Variants in CXCL12 observed in about 807,000 individuals in gnomAD.
The protein encoded by CXCL12 is stromal cell-derived factor 1.
CXCL12 carries 4 observed loss-of-function variants against 10.7 expected under a neutral mutation model. The observed-to-expected ratio is 0.37, with a 90% CI of 0.18 to 0.86. The LOEUF (loss-of-function observed/expected upper bound fraction) is 0.86. Ranked by LOEUF, CXCL12 falls within the 40% of genes least tolerant of loss-of-function variation. CXCL12 has a pLI of 0.43. For missense variants in CXCL12, 122 were observed against 110.4 expected, an observed-to-expected ratio of 1.10 and a Z score of -0.47; for synonymous variants, 54 against 45.4, an observed-to-expected ratio of 1.19 and a Z score of -0.77.
chr10:44,380,831 G>A lies in CXCL12; in HGVS notation c.111C>T (p.Ser37=), dbSNP rs41307557. 5.0e-6 allele frequency: 8 copies of A among 1,614,232 alleles called. No individual in the cohort carries two copies. The highest frequency in any genetic ancestry group is 6.8e-6 in the Non-Finnish European group (8 of 1,180,042). ...GCTTGACGTTGGCTCTGGCAACATGGCTTTCGAAGAATCGGCATGGGCATC... is the reference window on the plus strand; with the variant it reads ...GCTTGACGTTGGCTCTGGCAACATGACTTTCGAAGAATCGGCATGGGCATC... The part of the protein sequence containing the change: ...SYRCPCRFFE[S]HVARANVKHL... Residue 37 remains serine (S), a synonymous_variant, in exon 2 of 3, where the codon AGC becomes AGT. Transcript: ENST00000343575.
chr10:44,375,848 C>T, downstream of CXCL12: 1 of 1,578,666 alleles, frequency 6.3e-7, no homozygotes, highest in Non-Finnish European at 8.6e-7. Flanking sequence ...CCTGCCCAGT[C>T]TGCATGGGGG....
At chr10:44,372,975 C>A, downstream of CXCL12, 1 of 1,536,038 alleles carries the variant, frequency 6.5e-7, no homozygotes, top group Non-Finnish European at 8.7e-7. Context: ...TGGGGCCAGG[C>A]TCCCTCAGCC....
Position 44,377,649 on chromosome 10 carries a change from G to A in CXCL12, c.*984C>T. 1.9e-6 allele frequency: 3 copies of A among 1,551,554 alleles called. No homozygotes were observed. Among genetic ancestry groups the A allele is most frequent in the Non-Finnish European group, 2.6e-6 (3 of 1,156,252 alleles). On this transcript the variant is annotated 3_prime_UTR_variant, in exon 3 of 3. Transcript: ENST00000343575. ...GCCTCCATGGCATACATAGGCTTCA[G>A]AGGCAATCACAAAACCCAGTCACTC...
chr10:44,384,915 C>G, intron 1 of CXCL12, 30 bp downstream of exon 1: 4 of 1,534,018 alleles, frequency 2.6e-6, no homozygotes, highest in Non-Finnish European at 3.5e-6. Context: ...CCCAGAGCCT[C>G]GCCAGGGCCT....
At chr10:44,375,967 C>A (rs781652375), downstream of CXCL12, 1 of 1,613,424 alleles carries the variant, frequency 6.2e-7, no homozygotes. Flanking sequence ...GGCAGCCTTT[C>A]TCTTCTTCTG....
In CXCL12 at chr10:44,378,129, C is replaced by T. The variant is rs545173315; in HGVS notation, c.*504G>A. ...ACAGAGGCCTTCCTCTTGGGAGGGG[C>T]GCTGCTGCGGGAGCCTCAGTGTCTG... On this transcript the variant is annotated 3_prime_UTR_variant, in exon 3 of 3. Coordinates refer to ENST00000343575, the MANE Select transcript of CXCL12 (RefSeq NM_199168.4). 1,310 of 1,439,322 alleles carry T rather than the reference C, an allele frequency of 9.1e-4. 1 individual carries two copies. Among genetic ancestry groups the T allele is most frequent in the Non-Finnish European group, 1.1e-3 (1,226 of 1,101,420 alleles). 89.2% of individuals were successfully genotyped at this position (1,439,322 alleles called of 1,614,324 possible). A position where few individuals can be genotyped will look rare whatever the true frequency, so the allele number is the denominator to read the frequency against.
chr10:44,376,057 T>C, downstream of CXCL12: 3 of 1,607,122 alleles, frequency 1.9e-6, no homozygotes, highest in Non-Finnish European at 1.7e-6. Flanking sequence ...GTAGAACCAT[T>C]AATAATGTGG....
chr10:44,374,706 CTT>C (rs1839407538), downstream of CXCL12: 3 of 455,646 alleles, frequency 6.6e-6, no homozygotes, highest in African/African-American at 6.0e-5. Flanking sequence ...ATGCAGGGGT[CTT>C]TGTGGGTTTT....
Position 44,382,184 on chromosome 10 carries a change from T to C in CXCL12, c.62-1304A>G, listed in dbSNP as rs1023391632. 3.3e-5 allele frequency among the ~76,000 whole-genome samples: 5 copies of C among 152,294 alleles called. No homozygotes were observed. The East Asian group carries it at 9.7e-4, about 29-fold the overall frequency. On this transcript the variant is annotated intron_variant, in intron 1 of 2. Coordinates refer to ENST00000343575, the MANE Select transcript of CXCL12 (RefSeq NM_199168.4). Reference sequence around the variant, plus strand: ...CAAGCATCAGGGTGCTGGTGACTCATGGCACTGGAGAGACCTAAGGCAGCC... The same window carrying C: ...CAAGCATCAGGGTGCTGGTGACTCACGGCACTGGAGAGACCTAAGGCAGCC...
exon 4 of CXCL12, chr10:44,370,320 C>A (rs962861136): frequency 1.3e-5 from 2 of 152,590 alleles, no homozygotes; most frequent in African/African-American, 4.8e-5. Context: ...TCTCCTGGAC[C>A]ATTTTCACAT....
chr10:44,373,444 C>A (rs1588894108), downstream of CXCL12: 7 of 1,051,882 alleles, frequency 6.7e-6, no homozygotes, highest in East Asian at 1.3e-4. Flanking sequence ...TGGGGCCAAT[C>A]CCTACTTCCA....
At chr10:44,372,614 T>TTGCG (rs1486401892), downstream of CXCL12, 7 of 1,313,664 alleles carry the variant, frequency 5.3e-6, no homozygotes, top group Non-Finnish European at 5.8e-6. Context: ...ATGAAAGCTT[T>TTGCG]GGTCCTGAGA....
downstream of CXCL12, chr10:44,377,065 G>A (rs1048901407): frequency 1.0e-6 from 1 of 984,614 alleles, no homozygotes; most frequent in Non-Finnish European, 1.2e-6. Context: ...ACGTCTATAA[G>A]CTCCATCACT....
intron 1 of CXCL12, 83 bp downstream of exon 1, chr10:44,384,862 G>A: frequency 7.3e-7 from 1 of 1,375,624 alleles, no homozygotes; most frequent in Non-Finnish European, 9.8e-7. Context: ...AACTGCGGGC[G>A]CAGGCAGAGG....
chr10:44,371,485 C>G (rs1839311211), downstream of CXCL12: 1 of 257,348 alleles, frequency 3.9e-6, no homozygotes, highest in African/African-American at 2.3e-5. Flanking sequence ...AGTTCTGTAT[C>G]TTTATAACTA....
rs377533467 is a variant in CXCL12, at chr10:44,380,780, G to A, written c.162C>T (p.Asn54=). 82 of 1,613,840 alleles carry A rather than the reference G, an allele frequency of 5.1e-5. No individual in the cohort carries two copies. In the South Asian group the frequency reaches 7.9e-4, roughly 16 times the overall value. The change falls in exon 2 of 3, where the codon AAC becomes AAT. Residue 54 remains asparagine (N), a synonymous_variant. Coordinates refer to ENST00000343575, the MANE Select transcript of CXCL12 (RefSeq NM_199168.4). The part of the protein sequence containing the change: ...VKHLKILNTP[N]CALQIVARLK... ...AGACTTACACAATCTGAAGGGCACA[G>A]TTTGGAGTGTTGAGAATTTTGAGAT...
downstream of CXCL12, among the ~76,000 whole-genome samples, chr10:44,376,609 G>A (rs1839458425): frequency 6.6e-6 from 1 of 152,204 alleles, no homozygotes; most frequent in African/African-American, 2.4e-5. Context: ...AAGGGAGAGA[G>A]CTGGTTAGCA....
At chr10:44,373,069 A>C, downstream of CXCL12, 1 of 1,536,464 alleles carries the variant, frequency 6.5e-7, no homozygotes, top group African/African-American at 1.4e-5. Context: ...AGACACTCTA[A>C]TAAGGCAAGT....
chr10:44,370,694 C>T (rs1839293947), exon 4 of CXCL12: 1 of 152,394 alleles, frequency 6.6e-6, no homozygotes, highest in Admixed American at 6.5e-5. Context: ...AATGGAAAGA[C>T]TTAGAACATC....
Sources: allele counts gnomAD v4.1 joint callset (sites outside exome capture counted in the v4.1 genomes callset), GRCh38; gene constraint gnomAD v4.1.1; transcripts MANE v1.5; gene names NCBI Gene and HGNC (gene_info 2026-07-23, HGNC 2026-07-21).